The following FAM162A variants were observed in gnomAD, a reference collection of about 807,000 sequenced individuals.
FAM162A encodes the protein family with sequence similarity 162 member A, also known as protein FAM162A.
A neutral mutation model predicts 21.8 loss-of-function variants in FAM162A; 23 were observed. The observed-to-expected ratio is 1.05, with a 90% CI of 0.76 to 1.49. The LOEUF is 1.49. Among genes scored for constraint, FAM162A ranks in the 40% most tolerant of loss-of-function variants. FAM162A has a pLI of 0.00. For missense variants in FAM162A, 165 were observed against 186.4 expected (o/e 0.89, Z 0.67); for synonymous variants, 53 against 61.3 (o/e 0.86, Z 0.64).
intron 1 of FAM162A, among the ~76,000 whole-genome samples, chr3:122,394,020 A>G (rs1301856837): frequency 6.6e-6 from 1 of 152,184 alleles, no homozygotes; most frequent in Non-Finnish European, 1.5e-5. Flanking sequence ...GCATTTGTCA[A>G]GTTTCTAGGG....
chr3:122,407,493 A>G (rs1208233035), intron 4 of FAM162A, 104 bp downstream of exon 4: 2 of 806,842 alleles, frequency 2.5e-6, no homozygotes, highest in Non-Finnish European at 4.1e-6. Context: ...AGAGGAGGCT[A>G]CTTTCTACAT....
rs142985371 is a variant in FAM162A, at chr3:122,409,884, G to C, written c.*53G>C. The stretch of plus-strand genomic sequence containing the variant: ...GAAAATCCAGGAATTATGTTATAAC[G>C]TGCCTGTATTAAAAAGGATGTGGTA... On this transcript the variant is annotated 3_prime_UTR_variant, in exon 5 of 5. Coordinates refer to ENST00000477892, the MANE Select transcript of FAM162A (RefSeq NM_014367.4). 2 of 1,481,856 alleles carry C rather than the reference G, an allele frequency of 1.3e-6. No homozygotes were observed. The highest frequency in any genetic ancestry group is 1.9e-6 in the Non-Finnish European group (2 of 1,060,856). The allele number at this position is 1,481,856 out of a possible 1,614,324, so 91.8% of individuals were successfully genotyped here. A position where few individuals can be genotyped will look rare whatever the true frequency, so the allele number is the denominator to read the frequency against.
chr3:122,403,185 A>T (rs955612856), intron 2 of FAM162A, among the ~76,000 whole-genome samples: 1 of 152,100 alleles, frequency 6.6e-6, no homozygotes, highest in Non-Finnish European at 1.5e-5. Context: ...CATACCTCCC[A>T]TGTTTTACTC....
intron 1 of FAM162A, among the ~76,000 whole-genome samples, chr3:122,387,573 C>T (rs1258851292): frequency 6.6e-6 from 1 of 152,188 alleles, no homozygotes; most frequent in Non-Finnish European, 1.5e-5. Context: ...TTATTTCTAC[C>T]ACATTCTGCT....
intron 1 of FAM162A, chr3:122,401,342 T>C: frequency 1.0e-6 from 1 of 987,850 alleles, no homozygotes; most frequent in Non-Finnish European, 1.2e-6. Context: ...TTTGCCAACA[T>C]GATTATATAG....
chr3:122,408,889 T>C (rs2075690512), intron 4 of FAM162A, among the ~76,000 whole-genome samples: 1 of 148,636 alleles, frequency 6.7e-6, no homozygotes. Flanking sequence ...ACATTTTAGT[T>C]TTATGGAATT....
At chr3:122,388,167 A>T (rs1273345590) in intron 1 of FAM162A, among the ~76,000 whole-genome samples, 1 of 152,228 alleles carries the variant, frequency 6.6e-6, no homozygotes, top group Non-Finnish European at 1.5e-5. Context: ...TGAGGTGATG[A>T]TGGAAATAAC....
intron 1 of FAM162A, among the ~76,000 whole-genome samples, chr3:122,400,829 A>G (rs2075649550): frequency 6.6e-6 from 1 of 152,118 alleles, no homozygotes; most frequent in African/African-American, 2.4e-5. Flanking sequence ...CTCCATCTCA[A>G]AACAAAAAAA....
In FAM162A at chr3:122,386,617, T is replaced by G. The variant is rs377629210; in HGVS notation, c.34+2318T>G. ...AGGCATACCTTACTTATCCAGAATA[T>G]TTGGAATAAGATTCTCTAGGTAAGT... On this transcript the variant is annotated intron_variant, in intron 1 of 4. Coordinates refer to ENST00000477892, the MANE Select transcript of FAM162A (RefSeq NM_014367.4). Among the ~76,000 whole-genome samples the G allele has an allele frequency of 2.8e-4, 43 of 151,986 alleles. 1 individual carries two copies. The East Asian group carries it at 7.0e-3, about 25-fold the overall frequency.
chr3:122,397,930 A>C (rs1169283218), intron 1 of FAM162A, among the ~76,000 whole-genome samples: 1 of 152,200 alleles, frequency 6.6e-6, no homozygotes, highest in Non-Finnish European at 1.5e-5. Flanking sequence ...TGTGATTCCA[A>C]CTCGGGCAGA....
intron 1 of FAM162A, among the ~76,000 whole-genome samples, chr3:122,397,449 A>G (rs1168784993): frequency 6.6e-6 from 1 of 152,172 alleles, no homozygotes; most frequent in African/African-American, 2.4e-5. Context: ...TGCATTCAAT[A>G]CAAGTCTTGG....
intron 1 of FAM162A, among the ~76,000 whole-genome samples, chr3:122,388,778 G>T (rs1197489856): frequency 6.6e-6 from 1 of 152,154 alleles, no homozygotes; most frequent in African/African-American, 2.4e-5. Context: ...GACCGGGCAC[G>T]GTGGCTCAAG....
intron 4 of FAM162A, among the ~76,000 whole-genome samples, 154 bp from the exon 5 acceptor site, chr3:122,409,585 T>G (rs2075694083): frequency 6.6e-6 from 1 of 152,052 alleles, no homozygotes; most frequent in South Asian, 2.1e-4. Context: ...ACGAGGAAGT[T>G]GAAGCACATA....
rs540782987 is a variant in FAM162A, at chr3:122,385,724, A to C, written c.34+1425A>C. On this transcript the variant is annotated intron_variant, in intron 1 of 4. Transcript: ENST00000477892. ...AGAATTCCTTGAGTGATTTAAGAAC[A>C]ATTTATTTTACTTCAGATATAAAAT... 1.5e-3 allele frequency among the ~76,000 whole-genome samples: 222 copies of C among 152,346 alleles called. 3 individuals carry two copies. Among genetic ancestry groups the C allele is most frequent in the Admixed American group, 2.9e-3 (45 of 15,300 alleles).
chr3:122,386,392 A>C (rs1298751118), intron 1 of FAM162A, among the ~76,000 whole-genome samples: 1 of 152,040 alleles, frequency 6.6e-6, no homozygotes, highest in African/African-American at 2.4e-5. Flanking sequence ...CTACAAAAAA[A>C]ACTTTTAAAA....
Position 122,384,220 on chromosome 3 carries a change from C to CGGG in FAM162A, c.-45_-44insGGG, listed in dbSNP as rs1559997258. The CGGG allele has an allele frequency of 6.4e-7, 1 of 1,554,128 alleles. No individual in the cohort carries two copies. Among genetic ancestry groups the CGGG allele is most frequent in the Non-Finnish European group, 8.7e-7 (1 of 1,149,132 alleles). On this transcript the variant is annotated 5_prime_UTR_variant, in exon 1 of 5. Transcript: ENST00000477892. Reference sequence around the variant, plus strand: ...GTGACATTGAGCTCACCAGCGCCACCGTCCCCGGCGAAGTTCTGCGCTGGT... The same window carrying CGGG: ...GTGACATTGAGCTCACCAGCGCCACCGGGGTCCCCGGCGAAGTTCTGCGCTGGT...
At chr3:122,393,137 C>G (rs1451069550) in intron 1 of FAM162A, among the ~76,000 whole-genome samples, 1 of 152,072 alleles carries the variant, frequency 6.6e-6, no homozygotes, top group African/African-American at 2.4e-5. Flanking sequence ...CATTTATAGC[C>G]CTAGAAAACA....
chr3:122,395,702 G>A (rs917351128), intron 1 of FAM162A, among the ~76,000 whole-genome samples: 64 of 152,232 alleles, frequency 4.2e-4, no homozygotes, highest in African/African-American at 1.4e-3. Context: ...AATTCATACA[G>A]AAATTTAGAA....
chr3:122,395,438 A>C (rs1012609967), intron 1 of FAM162A, among the ~76,000 whole-genome samples: 3 of 152,268 alleles, frequency 2.0e-5, no homozygotes, highest in African/African-American at 7.2e-5. Context: ...AAATAATGCA[A>C]ACATGAAGAA....
Sources: allele counts gnomAD v4.1 joint callset (sites outside exome capture counted in the v4.1 genomes callset), GRCh38; gene constraint gnomAD v4.1.1; transcripts MANE v1.5; gene names NCBI Gene and HGNC (gene_info 2026-07-23, HGNC 2026-07-21).